DLGAP5: variants seen among roughly 807,000 people sequenced by gnomAD.
DLGAP5 encodes the protein DLG associated protein 5, also known as disks large-associated protein 5.
DLGAP5 carries 90 observed loss-of-function variants against 99.6 expected under a neutral mutation model. That is an observed-to-expected ratio of 0.90 (90% CI 0.76 to 1.08). The LOEUF is 1.08. Among genes scored for constraint, DLGAP5 ranks in the 50% least tolerant of loss-of-function variants. The pLI is 0.00. For missense variants in DLGAP5, 1,036 were observed against 983.5 expected (o/e 1.05, Z -0.71); for synonymous variants, 311 against 321.3 (o/e 0.97, Z 0.34).
intron 13 of DLGAP5, among the ~76,000 whole-genome samples, chr14:55,161,871 T>C (rs1228052237): frequency 1.9e-5 from 1 of 54,042 alleles, no homozygotes; most frequent in African/African-American, 7.0e-5. Context: ...CCAAACTCTG[T>C]CTCAAAAAAA....
intron 12 of DLGAP5, among the ~76,000 whole-genome samples, chr14:55,165,523 TAAAAAACAAAAA>T (rs1352814754): frequency 6.8e-6 from 1 of 147,614 alleles, no homozygotes; most frequent in Non-Finnish European, 1.5e-5. Context: ...GACCCTGACT[TAAAAAACAAAAA>T]AAAAAACCCC....
At chr14:55,151,582 G>GGAA (rs1486111667) in intron 17 of DLGAP5, 113 bp downstream of exon 17, 2 of 1,173,120 alleles carry the variant, frequency 1.7e-6, no homozygotes, top group East Asian at 5.1e-5. Flanking sequence ...TAACAATGAA[G>GGAA]GATCCTCAAT....
chr14:55,190,394 G>C (rs1054842868), intron 1 of DLGAP5, among the ~76,000 whole-genome samples: 1 of 152,156 alleles, frequency 6.6e-6, no homozygotes, highest in Middle Eastern at 3.4e-3. Context: ...CAAAACAAAA[G>C]AGGACAATAA....
At chr14:55,181,626 A>G (rs1018574454) in intron 4 of DLGAP5, among the ~76,000 whole-genome samples, 1 of 152,128 alleles carries the variant, frequency 6.6e-6, no homozygotes, top group Non-Finnish European at 1.5e-5. Context: ...TTGCCTAGAA[A>G]ATACTTCTCC....
At position 55,151,719 on chromosome 14, in the gene DLGAP5, C is replaced by T. The variant is rs760207563; in HGVS notation, c.2344G>A (p.Gly782Arg). ...CCTGACTGAGAAATTTTAGTTTCCC[C>T]TTCTTCTAAGATGCTATTTTGTGAA... The part of the protein sequence containing the change: ...TASQNSILEE[G>R]ETKISQSELF... Residue 782 changes from glycine to arginine, a missense_variant, in exon 17 of 19, where the codon GGG (glycine) becomes AGG (arginine). By Grantham distance (125) the Gly-to-Arg change is moderately radical. Transcript: ENST00000247191. 45 of 1,612,964 alleles carry T rather than the reference C, an allele frequency of 2.8e-5. No individual in the cohort carries two copies. In the South Asian group the frequency reaches 4.1e-4, roughly 15 times the overall value.
At chr14:55,151,593 AGTTAGATCTAAT>A (rs1254422287) in intron 17 of DLGAP5, 90 bp downstream of exon 17, 1 of 1,212,998 alleles carries the variant, frequency 8.2e-7, no homozygotes, top group African/African-American at 1.5e-5. Flanking sequence ...GATCCTCAAT[AGTTAGATCTAAT>A]GTAAAATGGA....
chr14:55,154,925 A>AC, intron 14 of DLGAP5, 119 bp from the exon 15 acceptor site: 2 of 837,124 alleles, frequency 2.4e-6, no homozygotes, highest in Non-Finnish European at 3.7e-6. Context: ...ATGTCTGTTA[A>AC]AGACAAATGC....
chr14:55,163,155 A>G (rs1194466978), intron 12 of DLGAP5, 80 bp from the exon 13 acceptor site: 2 of 744,734 alleles, frequency 2.7e-6, no homozygotes, highest in African/African-American at 1.8e-5. Context: ...ACTAAAAAAA[A>G]ATTAAAAATA....
intron 17 of DLGAP5, among the ~76,000 whole-genome samples, 178 bp downstream of exon 17, chr14:55,151,517 C>T (rs939726344): frequency 2.8e-5 from 1 of 36,238 alleles, no homozygotes; most frequent in African/African-American, 1.2e-4. Context: ...GAGTGAGACT[C>T]CATCTCAAAA....
In DLGAP5 at chr14:55,148,451, G is replaced by T; in HGVS notation, c.2441C>A (p.Pro814Gln). The T allele has an allele frequency of 1.2e-6, 2 of 1,614,092 alleles. No homozygotes were observed. Among genetic ancestry groups the T allele is most frequent in the Non-Finnish European group, 1.7e-6 (2 of 1,180,004 alleles). The change falls in exon 19 of 19, where the codon CCA becomes CAA. Residue 814 changes from proline to glutamine, a missense_variant. Coordinates refer to ENST00000247191, the MANE Select transcript of DLGAP5 (RefSeq NM_014750.5). ...LDSPGLNCSN[P>Q]FTQLERRHQE... Reference sequence around the variant, plus strand: ...ATGTCTCCTCTCCAGCTGAGTAAATGGATTACTGCAGTTTAGACCTGGCTG... The same window carrying T: ...ATGTCTCCTCTCCAGCTGAGTAAATTGATTACTGCAGTTTAGACCTGGCTG...
intron 2 of DLGAP5, among the ~76,000 whole-genome samples, chr14:55,184,715 T>A (rs1566508998): frequency 6.6e-6 from 1 of 152,192 alleles, no homozygotes; most frequent in Non-Finnish European, 1.5e-5. Context: ...GATGTCCACA[T>A]GACAAAGAAC....
At chr14:55,170,861 G>T in intron 10 of DLGAP5, 74 bp from the exon 11 acceptor site, 2 of 1,032,862 alleles carry the variant, frequency 1.9e-6, no homozygotes, top group Non-Finnish European at 3.0e-6. Flanking sequence ...ATAACATCAT[G>T]ATACATAACA....
At chr14:55,164,454 G>C (rs1440925823) in intron 12 of DLGAP5, among the ~76,000 whole-genome samples, 2 of 152,138 alleles carry the variant, frequency 1.3e-5, no homozygotes, top group African/African-American at 4.8e-5. Context: ...TAAGCAAAAA[G>C]ATGAATTTAG....
chr14:55,148,653 A>G (rs1164324534), intron 18 of DLGAP5, 180 bp from the exon 19 acceptor site: 1 of 1,341,162 alleles, frequency 7.5e-7, no homozygotes, highest in Non-Finnish European at 1.0e-6. Context: ...CAGGACTTCA[A>G]GACCAGCCCG....
At chr14:55,171,244 G>GT (rs1379650354) in intron 10 of DLGAP5, among the ~76,000 whole-genome samples, 11 of 152,184 alleles carry the variant, frequency 7.2e-5, no homozygotes. Flanking sequence ...TTGCTTAAAG[G>GT]TAGTGGTTCT....
rs555127027 is a variant in DLGAP5, at chr14:55,154,681, C to T, written c.1999G>A (p.Gly667Ser). ...TGTTCACTTTTCGTATTCTGAGGACCGGCATTTTCTGGTGATGTAGTTTGT... is the reference window on the plus strand; with the variant it reads ...TGTTCACTTTTCGTATTCTGAGGACTGGCATTTTCTGGTGATGTAGTTTGT... ...PQQTTSPENA[G>S]PQNTKSEHVK... Residue 667 changes from glycine to serine, a missense_variant, in exon 15 of 19, where the codon GGT becomes AGT. Physicochemically the swap from Gly to Ser is moderately conservative, Grantham distance 56. Transcript: ENST00000247191. The T allele has an allele frequency of 2.2e-5, 35 of 1,614,044 alleles. No individual in the cohort carries two copies. Among genetic ancestry groups the T allele is most frequent in the Middle Eastern group, 1.6e-4 (1 of 6,062 alleles).
chr14:55,169,523 CTT>C lies in DLGAP5; in HGVS notation c.1422_1423del (p.Arg475ThrfsTer8). The C allele has an allele frequency of 6.3e-7, 1 of 1,599,950 alleles. No individual in the cohort carries two copies. Among genetic ancestry groups the C allele is most frequent in the Non-Finnish European group, 8.5e-7 (1 of 1,176,580 alleles). On this transcript the variant is annotated frameshift_variant, in exon 12 of 19. Coordinates refer to ENST00000247191, the MANE Select transcript of DLGAP5 (RefSeq NM_014750.5). LOFTEE classifies it high-confidence loss of function. ...TTTAAACCTTTCCTTCATAAGGAGT[CTT>C]GTTTGACCAACTGCTGTGCGAATAA...
At chr14:55,150,997 A>C (rs1255012477) in intron 17 of DLGAP5, 149 bp from the exon 18 acceptor site, 2 of 532,838 alleles carry the variant, frequency 3.8e-6, no homozygotes, top group Non-Finnish European at 6.6e-6. Flanking sequence ...GTTTTTTGAA[A>C]GTAGTTAAAT....
Position 55,149,820 on chromosome 14 carries a change from G to T in DLGAP5, c.2418+979C>A, listed in dbSNP as rs967146059. On this transcript the variant is annotated intron_variant, in intron 18 of 18. Coordinates refer to ENST00000247191, the MANE Select transcript of DLGAP5 (RefSeq NM_014750.5). ...CAGCACTTTGAGAATCGGGGCGGGG[G>T]GGGGGCATCACCTGAGGTCAGAAGT... Among the ~76,000 whole-genome samples the T allele has an allele frequency of 4.4e-5, 6 of 137,264 alleles. No homozygotes were observed. The East Asian group carries it at 1.3e-3, about 29-fold the overall frequency. The allele number at this position is 137,264 out of a possible 152,430, so 90.1% of individuals were successfully genotyped here. A position where few individuals can be genotyped will look rare whatever the true frequency, so the allele number is the denominator to read the frequency against.
Sources: gnomAD v4.1 joint callset for allele counts (sites outside exome capture counted in the v4.1 genomes callset) on GRCh38, gnomAD v4.1.1 for gene constraint, MANE v1.5 for transcripts, NCBI Gene and HGNC (gene_info 2026-07-23, HGNC 2026-07-21) for gene names.